Variants in STOX2 observed in about 807,000 individuals in gnomAD.
STOX2 encodes the protein storkhead box 2.
A neutral mutation model predicts 60.9 loss-of-function variants in STOX2; 28 were observed. That is an observed-to-expected ratio of 0.46 (90% CI 0.34 to 0.63). The LOEUF (loss-of-function observed/expected upper bound fraction) is 0.63. STOX2 is among the 30% of genes least tolerant of loss of function. STOX2 has a pLI of 0.01. For missense variants in STOX2, 1,024 were observed against 1,187.7 expected (o/e 0.86, Z 2.03); for synonymous variants, 472 against 463.9 (o/e 1.02, Z -0.22).
chr4:183,900,772 T>C (rs1741443265), upstream of STOX2, among the ~76,000 whole-genome samples: 1 of 152,206 alleles, frequency 6.6e-6, no homozygotes, highest in Non-Finnish European at 1.5e-5. Flanking sequence ...CCCTTTTACT[T>C]AACAATTAGC....
intron 1 of STOX2, among the ~76,000 whole-genome samples, chr4:183,959,721 A>G (rs1257406989): frequency 6.6e-6 from 1 of 152,228 alleles, no homozygotes; most frequent in African/African-American, 2.4e-5. Flanking sequence ...ACCAAGAATA[A>G]TGTGAATATT....
At chr4:183,811,761 CTCTT>C (rs966627651) in intron 1 of STOX2, among the ~76,000 whole-genome samples, 3 of 152,166 alleles carry the variant, frequency 2.0e-5, no homozygotes, top group African/African-American at 7.2e-5. Context: ...TTCCTCTCCT[CTCTT>C]TCTTCTTTTA....
intron 1 of STOX2, among the ~76,000 whole-genome samples, chr4:183,962,537 GC>G: frequency 6.6e-6 from 1 of 152,202 alleles, no homozygotes; most frequent in East Asian, 1.9e-4. Flanking sequence ...TATTTTGAAA[GC>G]CCCCTTGAAG....
chr4:183,866,878 C>T (rs1189954469), intron 1 of STOX2, among the ~76,000 whole-genome samples: 1 of 152,062 alleles, frequency 6.6e-6, no homozygotes, highest in Non-Finnish European at 1.5e-5. Context: ...GACCCTGTCT[C>T]AAAACAGACA....
chr4:183,922,490 C>A (rs764544082), intron 1 of STOX2, among the ~76,000 whole-genome samples: 3 of 151,752 alleles, frequency 2.0e-5, no homozygotes, highest in Admixed American at 6.6e-5. Context: ...GGATTACAGG[C>A]GCCCCCCACC....
At chr4:183,853,186 A>G (rs553571256) in intron 1 of STOX2, among the ~76,000 whole-genome samples, 11 of 152,330 alleles carry the variant, frequency 7.2e-5, no homozygotes, top group African/African-American at 2.6e-4. Flanking sequence ...GTTCTCTTCT[A>G]TAAAATACAG....
intron 1 of STOX2, among the ~76,000 whole-genome samples, chr4:183,841,166 A>G (rs1024891923): frequency 6.6e-6 from 1 of 151,328 alleles, no homozygotes; most frequent in African/African-American, 2.4e-5. Context: ...CGCCCGGTTC[A>G]GTTTTCATCG....
At chr4:183,949,623 G>A (rs570075061) in intron 1 of STOX2, among the ~76,000 whole-genome samples, 4 of 152,236 alleles carry the variant, frequency 2.6e-5, no homozygotes, top group East Asian at 3.9e-4. Context: ...GCTTGAACCC[G>A]GGAGATGTAG....
At chr4:183,891,753 T>C (rs1741220212) in intron 1 of STOX2, among the ~76,000 whole-genome samples, 1 of 151,746 alleles carries the variant, frequency 6.6e-6, no homozygotes, top group African/African-American at 2.4e-5. Context: ...GAAAACCCTA[T>C]GGAAGAACAG....
intron 1 of STOX2, among the ~76,000 whole-genome samples, chr4:183,882,624 G>C (rs1477284089): frequency 6.6e-6 from 1 of 152,140 alleles, no homozygotes; most frequent in Admixed American, 6.5e-5. Flanking sequence ...ATGCACTGTA[G>C]AGTTGTAGCA....
intron 1 of STOX2, among the ~76,000 whole-genome samples, chr4:183,971,777 T>C (rs550443446): frequency 6.6e-6 from 1 of 152,342 alleles, no homozygotes; most frequent in African/African-American, 2.4e-5. Context: ...AGTGAACATA[T>C]TTGCTTCTCC....
At chr4:183,885,595 C>T (rs1050084894) in intron 1 of STOX2, among the ~76,000 whole-genome samples, 2 of 152,146 alleles carry the variant, frequency 1.3e-5, no homozygotes, top group African/African-American at 2.4e-5. Context: ...AGAGGAAATG[C>T]CTCAGCTTCT....
At chr4:183,957,028 T>C (rs922972448) in intron 1 of STOX2, among the ~76,000 whole-genome samples, 4 of 134,850 alleles carry the variant, frequency 3.0e-5, no homozygotes, top group South Asian at 2.8e-4. Flanking sequence ...GGGGGAGGGA[T>C]AGCATTAGGA....
At chr4:183,949,474 C>T (rs189472946) in intron 1 of STOX2, among the ~76,000 whole-genome samples, 8 of 152,066 alleles carry the variant, frequency 5.3e-5, no homozygotes, top group South Asian at 4.1e-4. Flanking sequence ...CCGAGGTGGG[C>T]GGATTACAAG....
intron 1 of STOX2, among the ~76,000 whole-genome samples, chr4:183,876,159 A>G (rs1740824122): frequency 6.6e-6 from 1 of 152,190 alleles, no homozygotes; most frequent in Non-Finnish European, 1.5e-5. Context: ...TCTTGCAGAC[A>G]CCTGAACCCT....
chr4:183,953,449 G>T (rs531657163), intron 1 of STOX2, among the ~76,000 whole-genome samples: 1 of 152,186 alleles, frequency 6.6e-6, no homozygotes, highest in Non-Finnish European at 1.5e-5. Context: ...AGGCAGGGGT[G>T]CCCCTTGTTC....
At chr4:183,831,748 C>T (rs1377494450) in intron 1 of STOX2, among the ~76,000 whole-genome samples, 1 of 151,850 alleles carries the variant, frequency 6.6e-6, no homozygotes, top group Admixed American at 6.6e-5. Context: ...CGGATATAGA[C>T]AAAAAACACT....
intron 1 of STOX2, among the ~76,000 whole-genome samples, chr4:183,957,223 C>G (rs985028946): frequency 6.6e-6 from 1 of 151,006 alleles, no homozygotes; most frequent in Non-Finnish European, 1.5e-5. Flanking sequence ...GGCTTTTTGT[C>G]TCATTGATGA....
At chr4:183,845,480 G>A (rs143281815) in intron 1 of STOX2, among the ~76,000 whole-genome samples, 64 of 152,244 alleles carry the variant, frequency 4.2e-4, no homozygotes, top group Non-Finnish European at 1.5e-4. Context: ...TTGATGCCAG[G>A]CCATAAAGCT....
Sources: gnomAD v4.1 joint callset for allele counts (sites outside exome capture counted in the v4.1 genomes callset) on GRCh38, gnomAD v4.1.1 for gene constraint, MANE v1.5 for transcripts, NCBI Gene and HGNC (gene_info 2026-07-23, HGNC 2026-07-21) for gene names.